GPC5: variants seen among roughly 807,000 people sequenced by gnomAD.
GPC5 encodes glypican-5.
Under a neutral mutation model 53.9 loss-of-function variants are expected in GPC5, and 47 were observed. That is an observed-to-expected ratio of 0.87 (90% CI 0.69 to 1.11). GPC5 has a LOEUF of 1.11. Among genes scored for constraint, GPC5 ranks in the 50% most tolerant of loss-of-function variants. The probability of loss-of-function intolerance (pLI) is 0.00; values close to 1 mark genes in which losing one functional copy is unlikely to be tolerated. For missense variants in GPC5, 748 were observed against 713.1 expected (o/e 1.05, Z -0.56); for synonymous variants, 286 against 263.3 (o/e 1.09, Z -0.84).
At chr13:92,282,993 A>T (rs1283665712) in intron 7 of GPC5, among the ~76,000 whole-genome samples, 1 of 152,228 alleles carries the variant, frequency 6.6e-6, no homozygotes, top group Non-Finnish European at 1.5e-5. Context: ...TGTATTCAGG[A>T]GACCCATCTC....
chr13:92,522,167 G>T (rs409255), intron 7 of GPC5, among the ~76,000 whole-genome samples: 4 of 151,366 alleles, frequency 2.6e-5, no homozygotes, highest in African/African-American at 9.7e-5. Flanking sequence ...TATACTGTTG[G>T]TGGGACTGTA....
intron 2 of GPC5, among the ~76,000 whole-genome samples, chr13:91,574,355 T>C (rs9589297): frequency 0.41 from 61,851 of 151,848 alleles, 12,889 homozygotes; most frequent in African/African-American, 0.5. Context: ...ACTTTGTAAT[T>C]CCAAGAGTCC....
intron 7 of GPC5, among the ~76,000 whole-genome samples, chr13:92,685,331 G>T (rs1887230172): frequency 6.6e-6 from 1 of 151,920 alleles, no homozygotes; most frequent in African/African-American, 2.4e-5. Context: ...CTGACCTTGG[G>T]TGATCCACCC....
intron 6 of GPC5, among the ~76,000 whole-genome samples, chr13:91,969,803 A>G (rs1258099661): frequency 6.6e-6 from 1 of 152,190 alleles, no homozygotes; most frequent in Non-Finnish European, 1.5e-5. Context: ...TCAGATCAAA[A>G]CCACAATTAT....
intron 7 of GPC5, among the ~76,000 whole-genome samples, chr13:92,368,934 A>T (rs985890316): frequency 6.6e-6 from 1 of 152,146 alleles, no homozygotes; most frequent in African/African-American, 2.4e-5. Flanking sequence ...TATGAGAAGA[A>T]AAACTGTGAA....
intron 2 of GPC5, among the ~76,000 whole-genome samples, chr13:91,509,072 T>G (rs1287840015): frequency 1.3e-5 from 2 of 152,152 alleles, no homozygotes; most frequent in African/African-American, 2.4e-5. Flanking sequence ...AGACAAAGAC[T>G]GGAATACCAG....
chr13:92,685,107 T>TTATTTATTTATC (rs1887222462), intron 7 of GPC5, among the ~76,000 whole-genome samples: 1 of 152,082 alleles, frequency 6.6e-6, no homozygotes, highest in African/African-American at 2.4e-5. Context: ...ATTTATTTAT[T>TTATTTATTTATC]TGAGATGTAG....
At position 91,936,457 on chromosome 13, in the gene GPC5, A is replaced by G. The variant is rs2039872137; in HGVS notation, c.1401+28400A>G. 2.0e-5 allele frequency among the ~76,000 whole-genome samples: 3 copies of G among 152,074 alleles called. No homozygotes were observed. The South Asian group carries it at 6.2e-4, about 31-fold the overall frequency. On this transcript the variant is annotated intron_variant, in intron 6 of 7. Coordinates refer to ENST00000377067, the MANE Select transcript of GPC5 (RefSeq NM_004466.6). ...TGCAAGAGAGGCTGGGAAAAGTAAC[A>G]AATTAATTTTGATGACCACAAAGCA...
chr13:92,653,302 C>A (rs1886017674), intron 7 of GPC5, among the ~76,000 whole-genome samples: 1 of 152,090 alleles, frequency 6.6e-6, no homozygotes. Flanking sequence ...GGAAGGGATG[C>A]ATTCGTTTCT....
intron 2 of GPC5, among the ~76,000 whole-genome samples, chr13:91,608,009 A>G (rs976109964): frequency 5.3e-5 from 8 of 152,238 alleles, no homozygotes; most frequent in African/African-American, 1.9e-4. Flanking sequence ...TAATATATTT[A>G]TTGTAGAAAT....
intron 6 of GPC5, among the ~76,000 whole-genome samples, chr13:91,967,174 G>A (rs374998197): frequency 6.6e-6 from 1 of 152,074 alleles, no homozygotes; most frequent in Non-Finnish European, 1.5e-5. Context: ...AGTGAAAGGG[G>A]TTTCCCTTTA....
chr13:92,521,587 A>C (rs1341720072), intron 7 of GPC5, among the ~76,000 whole-genome samples: 1 of 152,256 alleles, frequency 6.6e-6, no homozygotes, highest in Admixed American at 6.5e-5. Context: ...TAGAAAGCTG[A>C]AACTGATTCC....
chr13:92,487,199 TATTTGC>T (rs773418953), intron 7 of GPC5, among the ~76,000 whole-genome samples: 1 of 152,180 alleles, frequency 6.6e-6, no homozygotes, highest in Non-Finnish European at 1.5e-5. Flanking sequence ...TGCTTTGCTG[TATTTGC>T]ATGTAGTTTT....
chr13:92,469,748 T>C (rs1421595510), intron 7 of GPC5, among the ~76,000 whole-genome samples: 1 of 152,106 alleles, frequency 6.6e-6, no homozygotes, highest in Non-Finnish European at 1.5e-5. Context: ...AAGACTTTCA[T>C]TATGGTAAAC....
intron 7 of GPC5, among the ~76,000 whole-genome samples, chr13:92,540,476 C>T (rs924472550): frequency 2.6e-5 from 4 of 151,690 alleles, no homozygotes; most frequent in Non-Finnish European, 2.9e-5. Context: ...ATTTTCTTAC[C>T]GTTGATATTT....
chr13:91,772,983 G>A (rs1594549119), intron 5 of GPC5, among the ~76,000 whole-genome samples: 1 of 152,104 alleles, frequency 6.6e-6, no homozygotes, highest in African/African-American at 2.4e-5. Context: ...TGTATTGCAA[G>A]GAAGTTTGGA....
intron 7 of GPC5, among the ~76,000 whole-genome samples, chr13:92,164,736 C>G (rs1413535776): frequency 1.3e-5 from 2 of 152,206 alleles, no homozygotes; most frequent in Admixed American, 6.5e-5. Flanking sequence ...TGTGGGGACT[C>G]TGACCTCACA....
chr13:92,833,305 C>T (rs1428043940), intron 7 of GPC5, among the ~76,000 whole-genome samples: 1 of 152,030 alleles, frequency 6.6e-6, no homozygotes, highest in Non-Finnish European at 1.5e-5. Context: ...AACACAACCT[C>T]CTAAGAAGTT....
At chr13:92,257,546 A>ATTTTTTTTTTTTTTTCTTTT (rs2042735493) in intron 7 of GPC5, among the ~76,000 whole-genome samples, 1 of 72,966 alleles carries the variant, frequency 1.4e-5, no homozygotes, top group Non-Finnish European at 2.3e-5. Context: ...TAATACAGGG[A>ATTTTTTTTTTTTTTTCTTTT]TTTTTTTTTT....
Sources: allele counts gnomAD v4.1 joint callset (sites outside exome capture counted in the v4.1 genomes callset), GRCh38; gene constraint gnomAD v4.1.1; transcripts MANE v1.5; gene names NCBI Gene and HGNC (gene_info 2026-07-23, HGNC 2026-07-21).